CORO2B: variants seen among roughly 807,000 people sequenced by gnomAD.
CORO2B encodes coronin-2B.
Under a neutral mutation model 58.8 loss-of-function variants are expected in CORO2B, and 26 were observed. The ratio of observed to expected loss-of-function variants is 0.44; its 90% confidence interval spans 0.32 to 0.61. The LOEUF is 0.61. CORO2B is among the 20% of genes least tolerant of loss of function. The pLI is 0.04. For synonymous variants in CORO2B, 242 were observed against 253.8 expected (o/e 0.95, Z 0.44); for missense variants, 460 against 645.1 (o/e 0.71, Z 3.11).
chr15:68,615,083 C>T (rs1033468318), intron 1 of CORO2B, among the ~76,000 whole-genome samples: 1 of 152,156 alleles, frequency 6.6e-6, no homozygotes, highest in African/African-American at 2.4e-5. Context: ...TTGTGGGTGC[C>T]ACAGCAGGCT....
intron 8 of CORO2B, 40 bp downstream of exon 8, chr15:68,715,351 G>C: frequency 6.9e-7 from 1 of 1,442,452 alleles, no homozygotes; most frequent in South Asian, 1.1e-5. Flanking sequence ...TGTGCTCATG[G>C]CACGGGAGGA....
At chr15:68,574,543 G>T (rs1181668805), upstream of CORO2B, among the ~76,000 whole-genome samples, 1 of 152,184 alleles carries the variant, frequency 6.6e-6, no homozygotes, top group Non-Finnish European at 1.5e-5. Context: ...ATTAGGCAGG[G>T]CAGAGCCTCA....
intron 1 of CORO2B, among the ~76,000 whole-genome samples, chr15:68,599,993 T>A: frequency 6.6e-6 from 1 of 152,150 alleles, no homozygotes; most frequent in East Asian, 1.9e-4. Flanking sequence ...CTGTCCCTGC[T>A]GCTTGGGGTA....
the CORO2B span, among the ~76,000 whole-genome samples, chr15:68,540,555 G>A: frequency 2.0e-5 from 3 of 152,192 alleles, no homozygotes; most frequent in Admixed American, 1.3e-4. Flanking sequence ...TCACAACTCA[G>A]TCTCACCAGT....
intron 3 of CORO2B, among the ~76,000 whole-genome samples, chr15:68,706,176 AC>A (rs1273491882): frequency 1.3e-5 from 2 of 152,020 alleles, no homozygotes; most frequent in African/African-American, 2.4e-5. Flanking sequence ...AGCCAGGCTG[AC>A]CCCCGTGCAG....
intron 1 of CORO2B, among the ~76,000 whole-genome samples, chr15:68,595,057 A>G (rs531717588): frequency 6.6e-6 from 1 of 152,194 alleles, no homozygotes; most frequent in Non-Finnish European, 1.5e-5. Context: ...TAGTATTTTA[A>G]GAGTCAGTTG....
chr15:68,711,492 C>A, intron 4 of CORO2B, 50 bp from the exon 5 acceptor site: 1 of 1,559,698 alleles, frequency 6.4e-7, no homozygotes, highest in East Asian at 2.3e-5. Context: ...ACAAACACCC[C>A]AGGACCCTAG....
the CORO2B span, among the ~76,000 whole-genome samples, chr15:68,524,987 G>C: frequency 2.4e-3 from 362 of 152,210 alleles, no homozygotes; most frequent in Non-Finnish European, 3.7e-3. Flanking sequence ...GAACCCACAG[G>C]AATTTATGAG....
chr15:68,562,157 G>T, the CORO2B span, among the ~76,000 whole-genome samples: 2 of 152,316 alleles, frequency 1.3e-5, no homozygotes, highest in South Asian at 4.1e-4. Flanking sequence ...TGGAAGAAGT[G>T]GGCTGGTGAG....
intron 11 of CORO2B, among the ~76,000 whole-genome samples, chr15:68,719,968 G>T (rs1327028695): frequency 6.6e-6 from 1 of 152,210 alleles, no homozygotes; most frequent in South Asian, 2.1e-4. Flanking sequence ...AAGAGACTGG[G>T]TGTTTATGAA....
At chr15:68,696,086 T>TA (rs57017874) in intron 3 of CORO2B, among the ~76,000 whole-genome samples, 6 of 144,102 alleles carry the variant, frequency 4.2e-5, no homozygotes, top group African/African-American at 7.7e-5. Flanking sequence ...AAAATTGAAT[T>TA]AAAAAAAAAA....
the CORO2B span, among the ~76,000 whole-genome samples, chr15:68,562,739 C>G: frequency 6.6e-6 from 1 of 152,024 alleles, no homozygotes; most frequent in Non-Finnish European, 1.5e-5. Flanking sequence ...CTTTGGGAGG[C>G]CAAGGCAGGT....
intron 1 of CORO2B, among the ~76,000 whole-genome samples, chr15:68,611,736 T>C (rs1398610415): frequency 6.6e-6 from 1 of 152,096 alleles, no homozygotes; most frequent in Admixed American, 6.5e-5. Context: ...TAGCCTCTTA[T>C]GTTAGACATT....
chr15:68,548,398 C>A, the CORO2B span, among the ~76,000 whole-genome samples: 19 of 152,174 alleles, frequency 1.2e-4, 1 homozygote, highest in Admixed American at 1.2e-3. Context: ...GGTGTTCTGG[C>A]AAATGTTTAA....
At chr15:68,579,742 C>G (rs1018254807) in intron 1 of CORO2B, among the ~76,000 whole-genome samples, 1 of 152,206 alleles carries the variant, frequency 6.6e-6, no homozygotes, top group Non-Finnish European at 1.5e-5. Flanking sequence ...GCCGCCCATG[C>G]CGGGAGCGCT....
At chr15:68,543,649 C>G in the CORO2B span, among the ~76,000 whole-genome samples, 3 of 152,146 alleles carry the variant, frequency 2.0e-5, no homozygotes, top group Non-Finnish European at 4.4e-5. Context: ...TCCTGCTTGC[C>G]TCCAAAGAAG....
intron 1 of CORO2B, among the ~76,000 whole-genome samples, chr15:68,579,484 C>T (rs1039037075): frequency 6.6e-6 from 1 of 152,076 alleles, no homozygotes; most frequent in African/African-American, 2.4e-5. Context: ...GCTCTGGCAG[C>T]CCCGGCGGTT....
chr15:68,679,206 G>T (rs1056134624), intron 2 of CORO2B, among the ~76,000 whole-genome samples: 1 of 152,214 alleles, frequency 6.6e-6, no homozygotes, highest in East Asian at 1.9e-4. Context: ...TTCATCTCTA[G>T]GTGGCCAGCT....
intron 2 of CORO2B, among the ~76,000 whole-genome samples, chr15:68,651,238 C>T (rs1298836668): frequency 1.3e-5 from 2 of 152,212 alleles, no homozygotes; most frequent in African/African-American, 2.4e-5. Flanking sequence ...CTTCCCCTGC[C>T]GCCCAAGCCA....
Sources: allele counts gnomAD v4.1 joint callset (sites outside exome capture counted in the v4.1 genomes callset), GRCh38; gene constraint gnomAD v4.1.1; transcripts MANE v1.5; gene names NCBI Gene and HGNC (gene_info 2026-07-23, HGNC 2026-07-21).